MRC1: variants seen among roughly 807,000 people sequenced by gnomAD.
The protein encoded by MRC1 is macrophage mannose receptor 1.
In MRC1, 62 loss-of-function variants were observed where a neutral mutation model predicts 102.9. The observed-to-expected ratio is 0.60, with a 90% CI of 0.49 to 0.74. The LOEUF (loss-of-function observed/expected upper bound fraction) is 0.74. Ranked by LOEUF, MRC1 falls within the 30% of genes least tolerant of loss-of-function variation. The probability of loss-of-function intolerance (pLI) is 0.00; values close to 1 mark genes in which losing one functional copy is unlikely to be tolerated. For synonymous variants in MRC1, 457 were observed against 298.4 expected (o/e 1.53, Z -5.48); for missense variants, 1,237 against 862.8 (o/e 1.43, Z -5.43).
At chr10:17,825,446 T>TTAATA (rs1838460648) in intron 2 of MRC1, among the ~76,000 whole-genome samples, 1 of 152,064 alleles carries the variant, frequency 6.6e-6, no homozygotes, top group African/African-American at 2.4e-5. Context: ...TAAACAGAGT[T>TTAATA]AGTTAATAAA....
intron 22 of MRC1, among the ~76,000 whole-genome samples, chr10:17,893,683 T>C (rs1321602513): frequency 1.3e-5 from 2 of 152,108 alleles, no homozygotes; most frequent in Non-Finnish European, 2.9e-5. Flanking sequence ...CAAACAAATA[T>C]AATATTGTTC....
intron 22 of MRC1, among the ~76,000 whole-genome samples, chr10:17,890,161 G>A (rs910793094): frequency 3.0e-4 from 45 of 152,062 alleles, no homozygotes; most frequent in African/African-American, 1.0e-3. Flanking sequence ...TCTTGCTTGC[G>A]TGGTTTCTGA....
At chr10:17,845,583 G>A in intron 6 of MRC1, 148 bp downstream of exon 6, 2 of 711,282 alleles carry the variant, frequency 2.8e-6, no homozygotes, top group South Asian at 3.3e-5. Flanking sequence ...CAATATTTCT[G>A]TGTGCTGGTT....
intron 8 of MRC1, among the ~76,000 whole-genome samples, chr10:17,855,571 C>CAAAAA (rs35692453): frequency 0.01 from 428 of 42,096 alleles, 79 homozygotes; most frequent in Middle Eastern, 0.033. Context: ...GACTCCGTCT[C>CAAAAA]AAAAAAAAAA....
At chr10:17,861,345 A>G (rs1469406173) in intron 9 of MRC1, 42 bp from the exon 10 acceptor site, 1 of 826,270 alleles carries the variant, frequency 1.2e-6, no homozygotes, top group Non-Finnish European at 2.2e-6. Flanking sequence ...ATATATATGC[A>G]TGAACTCTGC....
chr10:17,858,236 A>G (rs2130655714), intron 9 of MRC1, among the ~76,000 whole-genome samples: 1 of 151,884 alleles, frequency 6.6e-6, no homozygotes, highest in Non-Finnish European at 1.5e-5. Context: ...ACAGCGGTTT[A>G]TATATTATTT....
intron 12 of MRC1, among the ~76,000 whole-genome samples, chr10:17,869,662 C>A (rs1274592848): frequency 6.6e-6 from 1 of 152,082 alleles, no homozygotes; most frequent in South Asian, 2.1e-4. Flanking sequence ...GAACTCCCTG[C>A]CAGATGGTTG....
At chr10:17,868,693 G>C (rs1259261620) in intron 12 of MRC1, among the ~76,000 whole-genome samples, 1 of 152,170 alleles carries the variant, frequency 6.6e-6, no homozygotes, top group Non-Finnish European at 1.5e-5. Context: ...GGCAAGACTG[G>C]TGAGGAATTT....
At chr10:17,843,530 G>C (rs1352965194) in intron 5 of MRC1, among the ~76,000 whole-genome samples, 1 of 152,032 alleles carries the variant, frequency 6.6e-6, no homozygotes, top group Non-Finnish European at 1.5e-5. Flanking sequence ...GCTGGGCATG[G>C]TGTGGGCACT....
chr10:17,902,286 A>G lies in MRC1; in HGVS notation c.3799+164A>G, dbSNP rs1188393413. ...ATCATGCTTCCCAAATGTAATCTCT[A>G]AGTTTGTAGCCTCAAATTTTAGAGA... On this transcript the variant is annotated intron_variant, in intron 26 of 29. Transcript: ENST00000569591. 3.3e-5 allele frequency among the ~76,000 whole-genome samples: 5 copies of G among 152,156 alleles called. No homozygotes were observed. The East Asian group carries it at 9.6e-4, about 29-fold the overall frequency.
intron 3 of MRC1, among the ~76,000 whole-genome samples, chr10:17,828,878 G>C (rs1313942539): frequency 1.3e-5 from 2 of 151,474 alleles, no homozygotes; most frequent in African/African-American, 2.5e-5. Flanking sequence ...ATTTTAGGTG[G>C]AGTGGAGGAG....
intron 24 of MRC1, among the ~76,000 whole-genome samples, chr10:17,899,503 T>C (rs1418158491): frequency 6.6e-6 from 1 of 152,212 alleles, no homozygotes; most frequent in African/African-American, 2.4e-5. Context: ...ACAAGCATTA[T>C]TTGATTAAAT....
chr10:17,851,592 G>A (rs1435244111), intron 7 of MRC1, among the ~76,000 whole-genome samples: 1 of 152,288 alleles, frequency 6.6e-6, no homozygotes, highest in East Asian at 1.9e-4. Flanking sequence ...AAGAAGCTAT[G>A]GGGGAGAACA....
chr10:17,830,173 C>G (rs1387087443), intron 3 of MRC1, among the ~76,000 whole-genome samples: 5 of 151,210 alleles, frequency 3.3e-5, no homozygotes, highest in African/African-American at 1.2e-4. Flanking sequence ...ACTCTGTCAT[C>G]CAGACTGGAG....
intron 2 of MRC1, among the ~76,000 whole-genome samples, chr10:17,824,982 C>T (rs955949798): frequency 1.1e-4 from 17 of 151,942 alleles, no homozygotes; most frequent in African/African-American, 4.1e-4. Context: ...TCTTAATATA[C>T]ATATTGGGAA....
At position 17,879,807 on chromosome 10, in the gene MRC1, T is replaced by G. The variant is rs1269157973; in HGVS notation, c.2705T>G (p.Met902Arg). The G allele has an allele frequency of 1.3e-6, 1 of 780,804 alleles. No individual in the cohort carries two copies. Among genetic ancestry groups the G allele is most frequent in the African/African-American group, 1.7e-5 (1 of 59,146 alleles). 48.4% of individuals were successfully genotyped at this position (780,804 alleles called of 1,614,324 possible). ...FANEDENCVT[M>R]YSNSGFWNDI... ...AATGAAGATGAAAACTGTGTGACCA[T>G]GTATTCAAATTCAGGTAGGCAAGTC... The change falls in exon 19 of 30, where the codon ATG becomes AGG. Residue 902 changes from methionine (M) to arginine (R), a missense_variant. Met to Arg is a moderately conservative substitution (Grantham distance 91). Transcript: ENST00000569591.
chr10:17,901,985 C>T lies in MRC1; in HGVS notation c.3662C>T (p.Thr1221Ile). 2.6e-6 allele frequency: 2 copies of T among 780,846 alleles called. No homozygotes were observed. The highest frequency in any genetic ancestry group is 4.8e-6 in the Non-Finnish European group (2 of 417,958). The allele number at this position is 780,846 out of a possible 1,614,324, so 48.4% of individuals were successfully genotyped here. Residue 1221 changes from threonine (T) to isoleucine (I), a missense_variant, in exon 26 of 30, where the codon ACT (threonine) becomes ATT (isoleucine). By Grantham distance (89) the Thr-to-Ile change is moderately conservative. Transcript: ENST00000569591. ...TTTTTATTAACAGAAATCCCTGCTA[C>T]TGAACCCCCACAACTGCCTGGCAGA... ...LCKRSDEIPA[T>I]EPPQLPGRCP...
intron 6 of MRC1, 124 bp from the exon 7 acceptor site, chr10:17,849,455 A>G: frequency 3.2e-6 from 2 of 620,670 alleles, no homozygotes; most frequent in South Asian, 4.2e-5. Context: ...TAAAAACTAA[A>G]TGTTACCTTT....
intron 1 of MRC1, among the ~76,000 whole-genome samples, chr10:17,819,376 T>C (rs1589163659): frequency 6.6e-6 from 1 of 151,910 alleles, no homozygotes; most frequent in African/African-American, 2.4e-5. Context: ...CAAACCATGG[T>C]GGCTTGGCCT....
Sources: gnomAD v4.1 joint callset for allele counts (sites outside exome capture counted in the v4.1 genomes callset) on GRCh38, gnomAD v4.1.1 for gene constraint, MANE v1.5 for transcripts, NCBI Gene and HGNC (gene_info 2026-07-23, HGNC 2026-07-21) for gene names.